The following GOLGA5 variants were observed in gnomAD, a reference collection of about 807,000 sequenced individuals.
The protein encoded by GOLGA5 is golgin subfamily A member 5.
A neutral mutation model predicts 93.5 loss-of-function variants in GOLGA5; 50 were observed. The ratio of observed to expected loss-of-function variants is 0.53; its 90% confidence interval spans 0.43 to 0.68. GOLGA5 has a LOEUF of 0.68. GOLGA5 is among the 30% of genes least tolerant of loss of function. GOLGA5 has a pLI of 0.00. For missense variants in GOLGA5, 760 were observed against 856.4 expected, an observed-to-expected ratio of 0.89 and a Z score of 1.40; for synonymous variants, 312 against 304.5, an observed-to-expected ratio of 1.02 and a Z score of -0.26.
intron 6 of GOLGA5, among the ~76,000 whole-genome samples, chr14:92,813,930 T>A (rs1885151526): frequency 6.6e-6 from 1 of 151,588 alleles, no homozygotes. Flanking sequence ...GAGATTTAAC[T>A]GGAAGGATGG....
chr14:92,813,504 GAAC>G (rs1252009028), intron 6 of GOLGA5, among the ~76,000 whole-genome samples: 1 of 152,174 alleles, frequency 6.6e-6, no homozygotes, highest in Non-Finnish European at 1.5e-5. Flanking sequence ...ATTTCCGAGA[GAAC>G]AACCTGTGCC....
chr14:92,795,776 A>G (rs1247295876), intron 1 of GOLGA5, among the ~76,000 whole-genome samples: 2 of 152,264 alleles, frequency 1.3e-5, no homozygotes, highest in African/African-American at 4.8e-5. Context: ...GAAGCAAAAG[A>G]ATAGGGTATG....
At chr14:92,832,492 A>G (rs921040858) in intron 9 of GOLGA5, among the ~76,000 whole-genome samples, 4 of 152,230 alleles carry the variant, frequency 2.6e-5, no homozygotes, top group Non-Finnish European at 4.4e-5. Flanking sequence ...TTAAGTATCA[A>G]CTTTCAGCCA....
At chr14:92,831,388 C>G (rs749403910) in intron 9 of GOLGA5, among the ~76,000 whole-genome samples, 1 of 152,152 alleles carries the variant, frequency 6.6e-6, no homozygotes, top group African/African-American at 2.4e-5. Flanking sequence ...AAATTGCAAA[C>G]CATTCGTCAA....
chr14:92,812,664 C>T (rs1885126736), intron 6 of GOLGA5, among the ~76,000 whole-genome samples: 2 of 152,190 alleles, frequency 1.3e-5, no homozygotes, highest in South Asian at 4.1e-4. Flanking sequence ...GTCTCCATAC[C>T]TTGTATTTTG....
At chr14:92,823,161 A>T (rs1231151715) in intron 8 of GOLGA5, among the ~76,000 whole-genome samples, 1 of 152,166 alleles carries the variant, frequency 6.6e-6, no homozygotes, top group Non-Finnish European at 1.5e-5. Context: ...CTACAGATCC[A>T]ACCTAATTTT....
At chr14:92,831,393 C>T (rs1358351106) in intron 9 of GOLGA5, among the ~76,000 whole-genome samples, 9 of 152,012 alleles carry the variant, frequency 5.9e-5, no homozygotes, top group Non-Finnish European at 1.0e-4. Flanking sequence ...GCAAACCATT[C>T]GTCAAACTAA....
rs761602617 is a variant in GOLGA5, at chr14:92,806,978, T to C, written c.772+15T>C. 1 of 1,471,838 alleles carries C rather than the reference T, an allele frequency of 6.8e-7. No individual in the cohort carries two copies. Among genetic ancestry groups the C allele is most frequent in the South Asian group, 1.1e-5 (1 of 88,278 alleles). The allele number at this position is 1,471,838 out of a possible 1,614,324, so 91.2% of individuals were successfully genotyped here. The stretch of plus-strand genomic sequence containing the variant: ...GACTCAAGAAGGTAGAGGCTTAAAT[T>C]GTTCAGGATTAGGAATTTAACTTTT... On this transcript the variant is annotated intron_variant, in intron 3 of 12. Coordinates refer to ENST00000163416, the MANE Select transcript of GOLGA5 (RefSeq NM_005113.4).
rs772469603 is a variant in GOLGA5 at position 92,837,466 on chromosome 14, G to A, written c.2115+17G>A. On this transcript the variant is annotated intron_variant, in intron 12 of 12. Coordinates refer to ENST00000163416, the MANE Select transcript of GOLGA5 (RefSeq NM_005113.4). ...ATATATATGGTAAGTAAATTTATTT[G>A]AAAAAACAATGATGCACTTGATTTT... 1.1e-5 allele frequency: 12 copies of A among 1,105,534 alleles called. No individual in the cohort carries two copies. The highest frequency in any genetic ancestry group is 1.6e-5 in the Non-Finnish European group (12 of 729,584). The allele number at this position is 1,105,534 out of a possible 1,614,324, so 68.5% of individuals were successfully genotyped here.
chr14:92,808,437 C>T (rs1453008921), intron 3 of GOLGA5, among the ~76,000 whole-genome samples: 1 of 152,280 alleles, frequency 6.6e-6, no homozygotes, highest in African/African-American at 2.4e-5. Flanking sequence ...AGTTCAATAA[C>T]AGCATGGGCA....
rs142921167 is a variant in GOLGA5, at chr14:92,797,931, T to C, written c.494T>C (p.Val165Ala). The change falls in exon 2 of 13, where the codon GTA becomes GCA. Residue 165 changes from valine (V) to alanine (A), a missense_variant. Val to Ala is a moderately conservative substitution (Grantham distance 64). Coordinates refer to ENST00000163416, the MANE Select transcript of GOLGA5 (RefSeq NM_005113.4). ...TSSVSSVNPS[V>A]TTIKTIEENS... ...AGTGTCAGTTCTGTGAACCCCAGTG[T>C]AACCACCATCAAAACCATTGAAGAA... 6 of 1,604,700 alleles carry C rather than the reference T, an allele frequency of 3.7e-6. No individual in the cohort carries two copies. In the African/African-American group the frequency reaches 8.1e-5, roughly 22 times the overall value.
At chr14:92,838,300 A>C (rs1020033567) in intron 12 of GOLGA5, among the ~76,000 whole-genome samples, 3 of 152,154 alleles carry the variant, frequency 2.0e-5, no homozygotes, top group Non-Finnish European at 4.4e-5. Flanking sequence ...TTGAAAAGAA[A>C]TTTCTTTAAA....
At chr14:92,837,109 C>T (rs1342146616) in intron 11 of GOLGA5, among the ~76,000 whole-genome samples, 1 of 151,924 alleles carries the variant, frequency 6.6e-6, no homozygotes, top group Non-Finnish European at 1.5e-5. Flanking sequence ...TTGCCTCCTA[C>T]AGTTGTGGCT....
chr14:92,817,691 C>G (rs1196918709), intron 7 of GOLGA5, among the ~76,000 whole-genome samples: 1 of 152,090 alleles, frequency 6.6e-6, no homozygotes, highest in African/African-American at 2.4e-5. Flanking sequence ...TGCATTAACT[C>G]TGCACATTGT....
intron 3 of GOLGA5, among the ~76,000 whole-genome samples, chr14:92,807,712 A>G (rs1885018410): frequency 6.6e-6 from 1 of 152,232 alleles, no homozygotes; most frequent in South Asian, 2.1e-4. Flanking sequence ...GCCCTGGAGT[A>G]GAAAACCTCA....
chr14:92,834,184 C>CTTTTTTTTTTTTTTTTTTTTTTTTT (rs35449807), intron 10 of GOLGA5, among the ~76,000 whole-genome samples: 16 of 135,102 alleles, frequency 1.2e-4, no homozygotes, highest in Non-Finnish European at 1.5e-4. Context: ...TAGGTTTCAC[C>CTTTTTTTTTTTTTTTTTTTTTTTTT]TTTTTTTTTT....
At chr14:92,813,976 GT>G (rs1191939735) in intron 6 of GOLGA5, among the ~76,000 whole-genome samples, 1 of 152,034 alleles carries the variant, frequency 6.6e-6, no homozygotes, top group Non-Finnish European at 1.5e-5. Flanking sequence ...ATGACTCCAG[GT>G]TTTTGGTTTA....
rs762964616 is a variant in GOLGA5, at chr14:92,833,316, G to A, written c.1914G>A (p.Ser638=). 8.1e-6 allele frequency: 13 copies of A among 1,610,010 alleles called. No individual in the cohort carries two copies. The highest frequency in any genetic ancestry group is 3.3e-5 in the Admixed American group (2 of 59,980). The change falls in exon 10 of 13, where the codon TCG becomes TCA. Residue 638 remains serine (S), a synonymous_variant. Coordinates refer to ENST00000163416, the MANE Select transcript of GOLGA5 (RefSeq NM_005113.4). ...CTGGAAGTAGTAGTAATGGGTCTTC[G>A]ATTAATATGTCTGGAATTGACAATG... ...SASGSSSNGS[S]INMSGIDNGE... is the part of the protein sequence containing the mutation.
intron 1 of GOLGA5, among the ~76,000 whole-genome samples, chr14:92,794,970 G>A (rs1398542194): frequency 1.3e-5 from 2 of 152,230 alleles, no homozygotes; most frequent in Non-Finnish European, 2.9e-5. Context: ...TGTTTGCCCA[G>A]GGCCCATCTA....
Sources: gnomAD v4.1 joint callset for allele counts (sites outside exome capture counted in the v4.1 genomes callset) on GRCh38, gnomAD v4.1.1 for gene constraint, MANE v1.5 for transcripts, NCBI Gene and HGNC (gene_info 2026-07-23, HGNC 2026-07-21) for gene names.